The following COL4A2 variants were observed in gnomAD, a reference collection of about 807,000 sequenced individuals.
The protein encoded by COL4A2 is collagen alpha-2(IV) chain.
COL4A2 carries 99 observed loss-of-function variants against 200.2 expected under a neutral mutation model. The ratio of observed to expected loss-of-function variants is 0.49; its 90% CI spans 0.42 to 0.58. COL4A2 has a LOEUF of 0.58. Among genes scored for constraint, COL4A2 ranks in the 20% least tolerant of loss-of-function variants. The pLI, the probability that COL4A2 is intolerant of heterozygous loss-of-function variation, is 0.00. For missense variants in COL4A2, 1,950 were observed against 2,314.1 expected, an observed-to-expected ratio of 0.84 and a Z score of 3.23; for synonymous variants, 897 against 900.6, an observed-to-expected ratio of 1.00 and a Z score of 0.07.
In COL4A2 at chr13:110,508,360, C is replaced by A. The variant is rs1883962063; in HGVS notation, c.4881+139C>A. ...AAGGGTAGTTGGCCCAGGAAGCGAG[C>A]GAGAGCTGGAACACAGCTTACACTT... On this transcript the variant is annotated intron_variant, in intron 47 of 47. Coordinates refer to ENST00000360467, the MANE Select transcript of COL4A2 (RefSeq NM_001846.4). This position sits in a 1 kb window ranked among gnomAD's most constrained non-coding sequence, Gnocchi z 6.1. 2.2e-6 allele frequency: 3 copies of A among 1,358,430 alleles called. No individual in the cohort carries two copies. The highest frequency in any genetic ancestry group is 2.0e-6 in the Non-Finnish European group (2 of 996,086). 84.1% of individuals were successfully genotyped at this position (1,358,430 alleles called of 1,614,324 possible). A position where few individuals can be genotyped will look rare whatever the true frequency, so the allele number is the denominator to read the frequency against.
chr13:110,332,032 G>A (rs1875941608), intron 3 of COL4A2, among the ~76,000 whole-genome samples: 1 of 152,126 alleles, frequency 6.6e-6, no homozygotes, highest in Non-Finnish European at 1.5e-5. Flanking sequence ...GTTTTCCCAA[G>A]CTCATTCATT....
chr13:110,411,082 G>A (rs779732736), intron 4 of COL4A2, among the ~76,000 whole-genome samples: 8 of 152,078 alleles, frequency 5.3e-5, no homozygotes, highest in Non-Finnish European at 7.4e-5. Flanking sequence ...CGTCTCCCAC[G>A]TCCCATCTCA....
intron 11 of COL4A2, 28 bp downstream of exon 11, chr13:110,432,388 A>AG: frequency 6.3e-7 from 1 of 1,596,068 alleles, no homozygotes; most frequent in Non-Finnish European, 8.5e-7. Context: ...GGTGAGGATG[A>AG]GGGAAGGGGG....
intron 3 of COL4A2, among the ~76,000 whole-genome samples, chr13:110,338,437 G>GGA (rs1876304629): frequency 6.6e-6 from 1 of 150,516 alleles, no homozygotes; most frequent in African/African-American, 2.4e-5. Flanking sequence ...TTGTGTGTGG[G>GGA]GGGGGGTGGG....
At chr13:110,308,372 A>C (rs1335567187) in intron 3 of COL4A2, among the ~76,000 whole-genome samples, 1 of 152,062 alleles carries the variant, frequency 6.6e-6, no homozygotes, top group Non-Finnish European at 1.5e-5. Flanking sequence ...GGAACTGGGA[A>C]CTTAAAATGT....
In COL4A2 at chr13:110,410,792, C is replaced by T. The variant is rs144886497; in HGVS notation, c.181-13942C>T. Among the ~76,000 whole-genome samples, 184 of 152,220 alleles carry T rather than the reference C, an allele frequency of 1.2e-3. 2 individuals are homozygous for T. Among genetic ancestry groups the T allele is most frequent in the Middle Eastern group, 6.8e-3 (2 of 294 alleles). On this transcript the variant is annotated intron_variant, in intron 4 of 47. Coordinates refer to ENST00000360467, the MANE Select transcript of COL4A2 (RefSeq NM_001846.4). ...TATTTCCATTTCCCAAATAAAGAAA[C>T]TGAGGCTCAGGGAAGGGCAGTGACT...
Position 110,312,092 on chromosome 13 carries a change from G to GCGCT in COL4A2, c.99+3970_99+3973dup, listed in dbSNP as rs1885000784. Among the ~76,000 whole-genome samples, 6 of 152,368 alleles carry GCGCT rather than the reference G, an allele frequency of 3.9e-5. No homozygotes were observed. In the South Asian group the frequency reaches 1.2e-3, roughly 32 times the overall value. The stretch of plus-strand genomic sequence containing the variant: ...CTTTCCTGCATTTCCTGGAGCTGAA[G>GCGCT]CGCTATTGCTCAAAACATGGCCCTC... On this transcript the variant is annotated intron_variant, in intron 3 of 47. Transcript: ENST00000360467.
chr13:110,496,311 C>G (rs151105538), intron 40 of COL4A2, among the ~76,000 whole-genome samples: 2 of 152,216 alleles, frequency 1.3e-5, no homozygotes, highest in Non-Finnish European at 2.9e-5. Flanking sequence ...AGGGATGTCT[C>G]GAGGCTTGCA....
chr13:110,432,478 G>T (rs148825551), intron 11 of COL4A2, 118 bp downstream of exon 11: 2 of 1,267,752 alleles, frequency 1.6e-6, no homozygotes, highest in Non-Finnish European at 2.1e-6. Flanking sequence ...ATATTATGAT[G>T]AAAACAGTTT....
At chr13:110,356,729 A>G (rs1656075140) in intron 3 of COL4A2, among the ~76,000 whole-genome samples, 1 of 151,278 alleles carries the variant, frequency 6.6e-6, no homozygotes. Flanking sequence ...CCTGACGCTG[A>G]AGGTCCAGGA....
rs558079431 is a variant in COL4A2, at chr13:110,372,754, C to T, written c.180+15202C>T. On this transcript the variant is annotated intron_variant, in intron 4 of 47. Transcript: ENST00000360467. ...AGTGAAGCAAATATTATTTTAAAAG[C>T]TTCATATGAAATAATCATTAGTAGC... 5.9e-5 allele frequency among the ~76,000 whole-genome samples: 9 copies of T among 152,298 alleles called. No individual in the cohort carries two copies. The South Asian group carries it at 1.7e-3, about 28-fold the overall frequency.
At chr13:110,487,155 A>G (rs1234305584) in intron 34 of COL4A2, among the ~76,000 whole-genome samples, 1 of 152,180 alleles carries the variant, frequency 6.6e-6, no homozygotes, top group Non-Finnish European at 1.5e-5. Context: ...GGTCACTTTA[A>G]AAAAGAAAGA....
At chr13:110,438,108 G>A (rs2139466340) in intron 14 of COL4A2, 71 bp downstream of exon 14, 2 of 1,346,322 alleles carry the variant, frequency 1.5e-6, no homozygotes, top group Admixed American at 1.8e-5. Flanking sequence ...AGGCATGACG[G>A]GGTGCACCAT....
chr13:110,357,956 C>T (rs1248976730), intron 4 of COL4A2, among the ~76,000 whole-genome samples: 3 of 152,162 alleles, frequency 2.0e-5, no homozygotes, highest in African/African-American at 7.2e-5. Flanking sequence ...GGCGTGACCG[C>T]GCACCACTGT....
chr13:110,504,389 C>A, intron 45 of COL4A2, 125 bp downstream of exon 45: 1 of 729,096 alleles, frequency 1.4e-6, no homozygotes, highest in Non-Finnish European at 2.3e-6. Flanking sequence ...CTGCCCCACC[C>A]TCCTGCTCCT....
chr13:110,424,857 A>G lies in COL4A2; in HGVS notation c.304A>G (p.Lys102Glu). 6.2e-7 allele frequency: 1 copy of G among 1,614,148 alleles called. No individual in the cohort carries two copies. Among genetic ancestry groups the G allele is most frequent in the Non-Finnish European group, 8.5e-7 (1 of 1,180,014 alleles). The change falls in exon 5 of 48, where the codon AAG (lysine) becomes GAG (glutamate). Residue 102 changes from lysine (K) to glutamate (E), a missense_variant. Transcript: ENST00000360467. Reference sequence around the variant, plus strand: ...GGGAGCCCCCGGAGTAACGGGACCCAAGGGCGACGTGGTACGCACCGCTGG... The same window carrying G: ...GGGAGCCCCCGGAGTAACGGGACCCGAGGGCGACGTGGTACGCACCGCTGG... The part of the protein sequence containing the change: ...ERGAPGVTGP[K>E]GDVGARGVSG...
chr13:110,378,231 A>G (rs7319311), intron 4 of COL4A2, among the ~76,000 whole-genome samples: 52,343 of 152,136 alleles, frequency 0.34, 9,226 homozygotes, highest in African/African-American at 0.42. Flanking sequence ...CAAGGTCTTC[A>G]CTGGCAACCT....
intron 4 of COL4A2, among the ~76,000 whole-genome samples, chr13:110,368,460 C>G (rs957191615): frequency 2.0e-5 from 3 of 152,182 alleles, no homozygotes; most frequent in Non-Finnish European, 2.9e-5. Flanking sequence ...CTAAATGAAA[C>G]CTAATGGTAG....
chr13:110,369,160 G>A (rs1051503764), intron 4 of COL4A2, among the ~76,000 whole-genome samples: 1 of 151,486 alleles, frequency 6.6e-6, no homozygotes, highest in Non-Finnish European at 1.5e-5. Context: ...GCAGTGAGCC[G>A]AGATCACACC....
Sources: gnomAD v4.1 joint callset for allele counts (sites outside exome capture counted in the v4.1 genomes callset) on GRCh38, gnomAD v4.1.1 for gene constraint, Gnocchi (gnomAD v3.1) non-coding constraint, MANE v1.5 for transcripts, NCBI Gene and HGNC (gene_info 2026-07-23, HGNC 2026-07-21) for gene names.